PRKD2: variants seen among roughly 807,000 people sequenced by gnomAD.
The protein encoded by PRKD2 is protein kinase D2, also known as serine/threonine-protein kinase D2.
A neutral mutation model predicts 86.0 loss-of-function variants in PRKD2; 22 were observed. The ratio of observed to expected loss-of-function variants is 0.26; its 90% CI spans 0.18 to 0.37. PRKD2 has a LOEUF of 0.37. Ranked by LOEUF, PRKD2 falls within the 10% of genes least tolerant of loss-of-function variation. The pLI is 1.00. For missense variants in PRKD2, 818 were observed against 1,199.2 expected (o/e 0.68, Z 4.70); for synonymous variants, 509 against 510.9 (o/e 1.00, Z 0.05).
intron 10 of PRKD2, among the ~76,000 whole-genome samples, chr19:46,692,891 T>C (rs1195477984): frequency 1.7e-4 from 26 of 152,220 alleles, no homozygotes; most frequent in Admixed American, 1.6e-3. Context: ...ATGTCACTCC[T>C]AGGACCAAGT....
chr19:46,680,652 C>G (rs959611837), intron 15 of PRKD2, among the ~76,000 whole-genome samples: 3 of 151,714 alleles, frequency 2.0e-5, no homozygotes, highest in African/African-American at 7.3e-5. Flanking sequence ...AACTGTTATA[C>G]ACACCAGATT....
chr19:46,703,424 C>T (rs747285994), intron 5 of PRKD2, among the ~76,000 whole-genome samples: 13 of 151,736 alleles, frequency 8.6e-5, no homozygotes, highest in Admixed American at 3.9e-4. Flanking sequence ...CCCAGGAGTT[C>T]AAGACCAGCC....
chr19:46,701,554 T>C (rs924644199), intron 5 of PRKD2, among the ~76,000 whole-genome samples: 2 of 151,714 alleles, frequency 1.3e-5, no homozygotes, highest in South Asian at 2.1e-4. Flanking sequence ...GGTTTCGCCA[T>C]GTTGGTCAGG....
At chr19:46,711,298 G>A (rs1014966019) in intron 2 of PRKD2, among the ~76,000 whole-genome samples, 2 of 152,308 alleles carry the variant, frequency 1.3e-5, no homozygotes, top group African/African-American at 2.4e-5. Flanking sequence ...CTTCAGTTTC[G>A]CAAGATGACA....
chr19:46,699,309 C>T (rs981667725), intron 7 of PRKD2, among the ~76,000 whole-genome samples: 4 of 152,186 alleles, frequency 2.6e-5, no homozygotes, highest in African/African-American at 9.7e-5. Context: ...TCCATCTCCT[C>T]TTGTTTTTAT....
At chr19:46,697,099 T>G in intron 9 of PRKD2, 58 bp downstream of exon 9, 1 of 1,358,332 alleles carries the variant, frequency 7.4e-7, no homozygotes, top group East Asian at 2.3e-5. Context: ...GGAGGAGGTG[T>G]GGGAAAGTTT....
chr19:46,713,309 G>T (rs541238680), intron 2 of PRKD2, among the ~76,000 whole-genome samples: 1 of 150,932 alleles, frequency 6.6e-6, no homozygotes, highest in South Asian at 2.1e-4. Flanking sequence ...TTACAGGTGT[G>T]AGCCACTGCA....
At chr19:46,696,541 T>C (rs985033796) in intron 9 of PRKD2, among the ~76,000 whole-genome samples, 4 of 151,994 alleles carry the variant, frequency 2.6e-5, no homozygotes, top group African/African-American at 4.8e-5. Flanking sequence ...GGGCAGATCA[T>C]GAGGTCAAGA....
Position 46,678,422 on chromosome 19 carries a change from C to A in PRKD2, c.2312G>T (p.Ser771Ile). The change falls in exon 16 of 18, where the codon AGC (serine) becomes ATC (isoleucine). Residue 771 changes from serine to isoleucine, a missense_variant. Coordinates refer to ENST00000291281, the MANE Select transcript of PRKD2 (RefSeq NM_016457.5). The surrounding 1 kb of genome is among the most constrained non-coding windows in gnomAD (Gnocchi z 5.7). ...IQNAAFMYPA[S>I]PWSHISAGAI... The stretch of plus-strand genomic sequence containing the variant: ...TCCAGCTGAGATGTGGCTCCAGGGG[C>A]TGGCCGGGTACATGAAGGCGGCGTT... 1 of 1,614,142 alleles carries A rather than the reference C, an allele frequency of 6.2e-7. No individual in the cohort carries two copies. The highest frequency in any genetic ancestry group is 8.5e-7 in the Non-Finnish European group (1 of 1,180,016).
chr19:46,713,813 G>GC (rs1568739914), intron 2 of PRKD2, 50 bp downstream of exon 2: 8 of 681,416 alleles, frequency 1.2e-5, no homozygotes, highest in Admixed American at 2.9e-5. Context: ...TCCCCCAGAT[G>GC]CCCCGCCCCC....
intron 17 of PRKD2, 107 bp from the exon 18 acceptor site, chr19:46,674,842 C>G: frequency 7.9e-7 from 1 of 1,267,922 alleles, no homozygotes; most frequent in East Asian, 2.5e-5. Context: ...TGAAGCCATA[C>G]CCTCTGCAAC....
At chr19:46,677,994 C>T (rs934947132) in intron 16 of PRKD2, among the ~76,000 whole-genome samples, 2 of 152,164 alleles carry the variant, frequency 1.3e-5, no homozygotes, top group African/African-American at 4.8e-5. Flanking sequence ...CTTTTGGGGT[C>T]GTAAACCCAA....
intron 3 of PRKD2, among the ~76,000 whole-genome samples, chr19:46,704,857 C>T (rs2053691168): frequency 6.6e-6 from 1 of 152,004 alleles, no homozygotes; most frequent in African/African-American, 2.4e-5. Context: ...CAAGTTCCAG[C>T]TTGTAGCCCC....
chr19:46,687,281 A>C (rs1047558318), intron 14 of PRKD2, among the ~76,000 whole-genome samples: 6 of 152,094 alleles, frequency 3.9e-5, no homozygotes, highest in Non-Finnish European at 8.8e-5. Flanking sequence ...TGTCTCAGCT[A>C]CTCAGGAGGC....
chr19:46,709,704 T>C (rs1009527288), intron 3 of PRKD2, among the ~76,000 whole-genome samples: 2 of 151,898 alleles, frequency 1.3e-5, no homozygotes, highest in Non-Finnish European at 2.9e-5. Flanking sequence ...CATAATCAGC[T>C]GACTGTAAGT....
chr19:46,711,686 C>A (rs2053811317), intron 2 of PRKD2, among the ~76,000 whole-genome samples: 1 of 152,100 alleles, frequency 6.6e-6, no homozygotes, highest in Non-Finnish European at 1.5e-5. Context: ...AGCCACTGCA[C>A]CCGGCCTAAA....
chr19:46,687,598 A>C (rs1199260564), intron 14 of PRKD2, among the ~76,000 whole-genome samples: 1 of 152,208 alleles, frequency 6.6e-6, no homozygotes, highest in Admixed American at 6.6e-5. Flanking sequence ...TGCACAGGTT[A>C]CTATGAAGAT....
intron 14 of PRKD2, among the ~76,000 whole-genome samples, chr19:46,685,063 A>G (rs1343897758): frequency 6.6e-6 from 1 of 151,950 alleles, no homozygotes; most frequent in Admixed American, 6.6e-5. Context: ...GTTCAAGACT[A>G]GCCTGGCCAA....
intron 14 of PRKD2, among the ~76,000 whole-genome samples, chr19:46,687,019 C>A (rs187130108): frequency 6.6e-6 from 1 of 151,866 alleles, no homozygotes; most frequent in East Asian, 1.9e-4. Context: ...AATAAAGAGG[C>A]AAACACTGGG....
Sources: allele counts gnomAD v4.1 joint callset (sites outside exome capture counted in the v4.1 genomes callset), GRCh38; gene constraint gnomAD v4.1.1; non-coding constraint Gnocchi (gnomAD v3.1); transcripts MANE v1.5; gene names NCBI Gene and HGNC (gene_info 2026-07-23, HGNC 2026-07-21).